The following AFF3 variants were observed in gnomAD, a reference collection of about 807,000 sequenced individuals.
The protein encoded by AFF3 is ALF transcription elongation factor 3.
Under a neutral mutation model 129.7 loss-of-function variants are expected in AFF3, and 32 were observed. The observed-to-expected ratio is 0.25, with a 90% confidence interval of 0.19 to 0.33. The LOEUF (loss-of-function observed/expected upper bound fraction) is 0.33, where lower values mean the gene tolerates loss of function less well. AFF3 is among the 10% of genes least tolerant of loss of function. AFF3 has a pLI of 1.00. For synonymous variants in AFF3, 644 were observed against 635.4 expected (o/e 1.01, Z -0.20); for missense variants, 1,373 against 1,592.0 (o/e 0.86, Z 2.34).
intron 7 of AFF3, among the ~76,000 whole-genome samples, chr2:99,916,898 T>C (rs1381240268): frequency 6.6e-6 from 1 of 152,104 alleles, no homozygotes; most frequent in Non-Finnish European, 1.5e-5. Context: ...GGCCTGATGC[T>C]TAAGGGCGGG....
chr2:99,915,557 C>T (rs754935375), intron 7 of AFF3, among the ~76,000 whole-genome samples: 5 of 152,162 alleles, frequency 3.3e-5, no homozygotes, highest in Admixed American at 6.5e-5. Context: ...GACGCAGGCA[C>T]AATCTGGACA....
At chr2:99,655,256 A>C (rs930931210) in intron 12 of AFF3, among the ~76,000 whole-genome samples, 4 of 142,736 alleles carry the variant, frequency 2.8e-5, no homozygotes, top group Admixed American at 7.1e-5. Context: ...ACACACACAC[A>C]CACACACACA....
At chr2:100,024,231 C>CAAAAAA (rs56368025) in intron 4 of AFF3, among the ~76,000 whole-genome samples, 5 of 56,042 alleles carry the variant, frequency 8.9e-5, no homozygotes, top group East Asian at 6.8e-4. Flanking sequence ...GACTCCGTCT[C>CAAAAAA]AAAAAAAAAA....
At chr2:100,007,084 T>A (rs947853143) in intron 6 of AFF3, 64 bp downstream of exon 6, 2 of 1,587,116 alleles carry the variant, frequency 1.3e-6, no homozygotes, top group African/African-American at 2.7e-5. Context: ...ATTTTCTTTT[T>A]TCATTATAGT....
chr2:99,928,101 C>G (rs908238877), intron 7 of AFF3, among the ~76,000 whole-genome samples: 1 of 152,200 alleles, frequency 6.6e-6, no homozygotes, highest in African/African-American at 2.4e-5. Flanking sequence ...TCCCTAGCCA[C>G]GTGGAACTGT....
intron 18 of AFF3, among the ~76,000 whole-genome samples, chr2:99,574,476 G>A (rs185294656): frequency 5.9e-5 from 9 of 152,204 alleles, no homozygotes; most frequent in Admixed American, 5.2e-4. Context: ...AGTAACCTAG[G>A]AAAACGGGCT....
At chr2:99,678,204 CT>C (rs1326438358) in intron 11 of AFF3, among the ~76,000 whole-genome samples, 1 of 152,218 alleles carries the variant, frequency 6.6e-6, no homozygotes, top group Non-Finnish European at 1.5e-5. Context: ...AAACTCAGTA[CT>C]TTTCAGAAAA....
chr2:99,643,323 G>T (rs1166725211), intron 13 of AFF3, among the ~76,000 whole-genome samples: 1 of 152,134 alleles, frequency 6.6e-6, no homozygotes, highest in Non-Finnish European at 1.5e-5. Context: ...CTCCCAAAGT[G>T]CTGGGATTAC....
chr2:99,876,860 C>T (rs1188581397), intron 7 of AFF3, among the ~76,000 whole-genome samples: 2 of 152,116 alleles, frequency 1.3e-5, no homozygotes, highest in Non-Finnish European at 1.5e-5. Flanking sequence ...CAACCTGGAA[C>T]GTATTTCCTC....
chr2:99,632,474 G>A (rs745349045), intron 13 of AFF3, among the ~76,000 whole-genome samples: 1 of 152,160 alleles, frequency 6.6e-6, no homozygotes, highest in Non-Finnish European at 1.5e-5. Flanking sequence ...AGGCATGGGC[G>A]CAAGCTGGGG....
At chr2:99,563,830 A>G (rs1219381351) in intron 20 of AFF3, among the ~76,000 whole-genome samples, 56 of 149,702 alleles carry the variant, frequency 3.7e-4, no homozygotes, top group African/African-American at 1.2e-3. Flanking sequence ...AAAAAAAAAA[A>G]AAAGAAAGAA....
At chr2:100,106,103 C>A in intron 2 of AFF3, 1 of 1,278,112 alleles carries the variant, frequency 7.8e-7, no homozygotes, top group Middle Eastern at 2.2e-4. Context: ...GCCAATGAGA[C>A]TTCTTTCCTA....
chr2:100,123,190 A>T (rs573946959), intron 2 of AFF3, among the ~76,000 whole-genome samples: 1 of 152,222 alleles, frequency 6.6e-6, no homozygotes, highest in Non-Finnish European at 1.5e-5. Context: ...CAACCCAGGG[A>T]TAAATTATTC....
At chr2:99,658,454 T>A (rs964687741) in intron 12 of AFF3, among the ~76,000 whole-genome samples, 3 of 152,088 alleles carry the variant, frequency 2.0e-5, no homozygotes, top group African/African-American at 7.2e-5. Flanking sequence ...TCGGGGCAAC[T>A]CAGCCTCAGC....
chr2:99,712,917 A>G (rs956876954), intron 11 of AFF3, among the ~76,000 whole-genome samples: 7 of 152,248 alleles, frequency 4.6e-5, no homozygotes, highest in African/African-American at 1.7e-4. Context: ...AAAAGGAAGA[A>G]AATTCTGACA....
intron 12 of AFF3, among the ~76,000 whole-genome samples, chr2:99,653,878 TC>T (rs61665842): frequency 0.61 from 55,229 of 90,256 alleles, 14,592 homozygotes; most frequent in South Asian, 0.78. Context: ...CTGCTTTTTT[TC>T]TTTTTTTTTT....
chr2:99,785,403 A>C lies in AFF3; in HGVS notation c.922-33102T>G, dbSNP rs1369435988. 2.0e-5 allele frequency among the ~76,000 whole-genome samples: 3 copies of C among 152,214 alleles called. No homozygotes were observed. The East Asian group carries it at 5.8e-4, about 29-fold the overall frequency. Reference sequence around the variant, plus strand: ...CCTTTATAAGGACAGCGCTAGTTCGAAAATTATATCCAAATCTCCAAAAAT... The same window carrying C: ...CCTTTATAAGGACAGCGCTAGTTCGCAAATTATATCCAAATCTCCAAAAAT... On this transcript the variant is annotated intron_variant, in intron 8 of 24. Coordinates refer to ENST00000672756, the MANE Select transcript of AFF3 (RefSeq NM_001386135.1).
intron 2 of AFF3, among the ~76,000 whole-genome samples, chr2:100,116,460 A>G (rs1433332564): frequency 6.6e-6 from 1 of 152,002 alleles, no homozygotes; most frequent in Non-Finnish European, 1.5e-5. Flanking sequence ...ATTTGAGTAT[A>G]CTTTTATTGT....
intron 9 of AFF3, among the ~76,000 whole-genome samples, chr2:99,750,325 C>T (rs927871792): frequency 7.9e-5 from 12 of 151,426 alleles, no homozygotes; most frequent in Non-Finnish European, 1.3e-4. Context: ...AAGATATCAA[C>T]TTTTCATTCA....
Sources: gnomAD v4.1 joint callset for allele counts (sites outside exome capture counted in the v4.1 genomes callset) on GRCh38, gnomAD v4.1.1 for gene constraint, MANE v1.5 for transcripts, NCBI Gene and HGNC (gene_info 2026-07-23, HGNC 2026-07-21) for gene names.